KIF13A: variants seen among roughly 807,000 people sequenced by gnomAD.
The protein encoded by KIF13A is kinesin-like protein KIF13A.
KIF13A carries 79 observed loss-of-function variants against 212.2 expected under a neutral mutation model. The observed-to-expected ratio is 0.37, with a 90% CI of 0.31 to 0.45. KIF13A has a LOEUF of 0.45. Ranked by LOEUF, KIF13A falls within the 20% of genes least tolerant of loss-of-function variation. The pLI is 1.00. For missense variants in KIF13A, 1,901 were observed against 2,209.0 expected, an observed-to-expected ratio of 0.86 and a Z score of 2.79; for synonymous variants, 789 against 808.6, an observed-to-expected ratio of 0.98 and a Z score of 0.41.
chr6:17,931,414 T>C (rs77169043), intron 2 of KIF13A, among the ~76,000 whole-genome samples: 5,340 of 152,272 alleles, frequency 0.035, 321 homozygotes, highest in African/African-American at 0.12. Flanking sequence ...TGAGTACCTA[T>C]TGAACACTTA....
Position 17,838,691 on chromosome 6 carries a change from T to C in KIF13A, c.831-1108A>G, listed in dbSNP as rs536240524. Among the ~76,000 whole-genome samples the C allele has an allele frequency of 5.3e-5, 8 of 152,178 alleles. No individual in the cohort carries two copies. The highest frequency in any genetic ancestry group is 3.9e-4 in the East Asian group (2 of 5,168). On this transcript the variant is annotated intron_variant, in intron 9 of 38. Coordinates refer to ENST00000259711, the MANE Select transcript of KIF13A (RefSeq NM_022113.6). This position sits in a 1 kb window ranked among gnomAD's most constrained non-coding sequence, Gnocchi z 4.2. The stretch of plus-strand genomic sequence containing the variant: ...CAAGTCAGACACAGAAAAACAAATA[T>C]TGCATGTCCTTACTCATAAGTGGAA...
rs566576357 is a variant in KIF13A at position 17,888,472 on chromosome 6, C to T, written c.159+9696G>A. Reference sequence around the variant, plus strand: ...GGGTTTGATCTGAAACAGAGCTGTCCCATAGAAATATAATGCTAGCCATAT... The same window carrying T: ...GGGTTTGATCTGAAACAGAGCTGTCTCATAGAAATATAATGCTAGCCATAT... On this transcript the variant is annotated intron_variant, in intron 3 of 38. Transcript: ENST00000259711. The surrounding 1 kb of genome is among the most constrained non-coding windows in gnomAD (Gnocchi z 4.8). 7.9e-5 allele frequency among the ~76,000 whole-genome samples: 12 copies of T among 152,182 alleles called. No individual in the cohort carries two copies. Among genetic ancestry groups the T allele is most frequent in the African/African-American group, 2.2e-4 (9 of 41,508 alleles).
chr6:17,863,462 T>G (rs1336246419), intron 4 of KIF13A, among the ~76,000 whole-genome samples: 1 of 151,990 alleles, frequency 6.6e-6, no homozygotes, highest in Non-Finnish European at 1.5e-5. Flanking sequence ...TGGGACAGGT[T>G]CTAGAGTTCC....
At chr6:17,860,409 G>C (rs895424256) in intron 4 of KIF13A, among the ~76,000 whole-genome samples, 4 of 151,890 alleles carry the variant, frequency 2.6e-5, no homozygotes, top group African/African-American at 9.7e-5. Context: ...GGCTGGTCTC[G>C]AACTCCTGAC....
At chr6:17,864,899 G>T (rs1394283599) in intron 4 of KIF13A, among the ~76,000 whole-genome samples, 2 of 152,288 alleles carry the variant, frequency 1.3e-5, no homozygotes, top group Admixed American at 6.5e-5. Flanking sequence ...GTGTGTACTG[G>T]GAGATGGGTA....
intron 3 of KIF13A, among the ~76,000 whole-genome samples, chr6:17,882,481 A>G (rs1771159348): frequency 6.6e-6 from 1 of 152,170 alleles, no homozygotes; most frequent in Non-Finnish European, 1.5e-5. Context: ...GGACATATAC[A>G]TCAGATTTTT....
chr6:17,887,360 C>T lies in KIF13A; in HGVS notation c.159+10808G>A, dbSNP rs182465044. Among the ~76,000 whole-genome samples the T allele has an allele frequency of 8.5e-5, 13 of 152,258 alleles. No individual in the cohort carries two copies. In the East Asian group the frequency reaches 2.3e-3, roughly 27 times the overall value. On this transcript the variant is annotated intron_variant, in intron 3 of 38. Coordinates refer to ENST00000259711, the MANE Select transcript of KIF13A (RefSeq NM_022113.6). ...ATTTAAGGTTGTTACTGTTGCATCA[C>T]GGAGCATAAGCAGGTTCACACACAA...
At chr6:17,763,363 G>A (rs75855572), downstream of KIF13A, among the ~76,000 whole-genome samples, 6 of 151,602 alleles carry the variant, frequency 4.0e-5, 1 homozygote, top group East Asian at 9.7e-4. Flanking sequence ...CCAGCTACAC[G>A]GGAGGCTGAG....
chr6:17,794,511 CA>C lies in KIF13A; in HGVS notation c.3075+60del. Reference sequence around the variant, plus strand: ...CAAATAGTTAGAAAATCCCCAGAAACAATGTGTAAGAGTGGAACAGAGAGAA... The same window carrying C: ...CAAATAGTTAGAAAATCCCCAGAAACATGTGTAAGAGTGGAACAGAGAGAA... On this transcript the variant is annotated intron_variant, in intron 24 of 38. Coordinates refer to ENST00000259711, the MANE Select transcript of KIF13A (RefSeq NM_022113.6). The surrounding 1 kb of genome is among the most constrained non-coding windows in gnomAD (Gnocchi z 4.1). 6.4e-7 allele frequency: 1 copy of C among 1,564,680 alleles called. No individual in the cohort carries two copies. The highest frequency in any genetic ancestry group is 1.2e-5 in the South Asian group (1 of 84,100).
In KIF13A at chr6:17,809,363, T is replaced by C. The variant is rs56884056; in HGVS notation, c.2001-433A>G. ...TGACTTCTGCAGTTGGCAAAAGGCA[T>C]GCAATGGTAAGGTAGTTCTGCAGTA... On this transcript the variant is annotated intron_variant, in intron 17 of 38. Transcript: ENST00000259711. This position sits in a 1 kb window ranked among gnomAD's most constrained non-coding sequence, Gnocchi z 4.7. Among the ~76,000 whole-genome samples, 1,006 of 152,298 alleles carry C rather than the reference T, an allele frequency of 6.6e-3. 9 individuals carry two copies. The highest frequency in any genetic ancestry group is 0.023 in the African/African-American group (952 of 41,552).
At chr6:17,762,322 C>T (rs1437588279), downstream of KIF13A, among the ~76,000 whole-genome samples, 6 of 151,684 alleles carry the variant, frequency 4.0e-5, no homozygotes, top group Non-Finnish European at 8.8e-5. Context: ...AGGTGATTCT[C>T]CTGCCTCAGC....
Position 17,951,035 on chromosome 6 carries a change from A to C in KIF13A, c.146+36019T>G. On this transcript the variant is annotated intron_variant, in intron 2 of 38. Transcript: ENST00000259711. This position sits in a 1 kb window ranked among gnomAD's most constrained non-coding sequence, Gnocchi z 4.9. ...AATGACTAAATATATGGGCTATCAC[A>C]AACCCACTTTAGTAGTACACCTAAG... The C allele has an allele frequency of 9.8e-7, 1 of 1,025,592 alleles. No homozygotes were observed. Among genetic ancestry groups the C allele is most frequent in the Non-Finnish European group, 1.2e-6 (1 of 855,432 alleles). 63.5% of individuals were successfully genotyped at this position (1,025,592 alleles called of 1,614,324 possible). A position where few individuals can be genotyped will look rare whatever the true frequency, so the allele number is the denominator to read the frequency against.
chr6:17,917,023 CAA>C (rs1423138384), intron 2 of KIF13A, among the ~76,000 whole-genome samples: 6 of 104,642 alleles, frequency 5.7e-5, no homozygotes, highest in Non-Finnish European at 4.0e-5. Context: ...GTCAACTTTA[CAA>C]AAAAAAAAAA....
chr6:17,812,739 TTAA>T (rs1210746221), intron 17 of KIF13A: 1 of 152,246 alleles, frequency 6.6e-6, no homozygotes. Context: ...TTTTAGCTCT[TTAA>T]AAAATTGCCG....
intron 38 of KIF13A, among the ~76,000 whole-genome samples, chr6:17,767,255 A>AC (rs1554159234): frequency 3.9e-4 from 57 of 145,030 alleles, no homozygotes; most frequent in Non-Finnish European, 6.3e-4. Flanking sequence ...CTCAAAATTA[A>AC]TTTTTTTTTT....
intron 2 of KIF13A, among the ~76,000 whole-genome samples, chr6:17,956,102 C>A (rs559856723): frequency 6.6e-6 from 1 of 152,188 alleles, no homozygotes; most frequent in Non-Finnish European, 1.5e-5. Flanking sequence ...AGGCTCCGTT[C>A]TAAGGACTCA....
intron 2 of KIF13A, 93 bp downstream of exon 2, chr6:17,986,961 C>A: frequency 1.1e-6 from 1 of 891,954 alleles, no homozygotes; most frequent in Admixed American, 1.9e-5. Flanking sequence ...GTCCTCCTAA[C>A]AATAGGAAAG....
At chr6:17,903,996 TA>T (rs112257911) in intron 2 of KIF13A, among the ~76,000 whole-genome samples, 4,706 of 140,258 alleles carry the variant, frequency 0.034, 257 homozygotes, top group African/African-American at 0.11. Flanking sequence ...TTACTAAAAA[TA>T]AAAAAAAAAA....
At chr6:17,788,807 C>A (rs538111261) in intron 26 of KIF13A, among the ~76,000 whole-genome samples, 1 of 152,170 alleles carries the variant, frequency 6.6e-6, no homozygotes, top group African/African-American at 2.4e-5. Flanking sequence ...TCACTGCAAC[C>A]TCTGCCTCCT....
Sources: gnomAD v4.1 joint callset for allele counts (sites outside exome capture counted in the v4.1 genomes callset) on GRCh38, gnomAD v4.1.1 for gene constraint, Gnocchi (gnomAD v3.1) non-coding constraint, MANE v1.5 for transcripts, NCBI Gene and HGNC (gene_info 2026-07-23, HGNC 2026-07-21) for gene names.